Variants in RBMS3 observed in about 807,000 individuals in gnomAD.
RBMS3 encodes the protein RNA binding motif single stranded interacting protein 3.
Under a neutral mutation model 66.8 loss-of-function variants are expected in RBMS3, and 27 were observed. The observed-to-expected ratio is 0.40, with a 90% CI of 0.30 to 0.56. The LOEUF is 0.56. Among genes scored for constraint, RBMS3 ranks in the 20% least tolerant of loss-of-function variants. RBMS3 has a pLI of 0.40. For synonymous variants in RBMS3, 188 were observed against 183.0 expected (o/e 1.03, Z -0.22); for missense variants, 513 against 549.5 (o/e 0.93, Z 0.66).
intron 10 of RBMS3, among the ~76,000 whole-genome samples, chr3:29,916,264 T>C (rs183660822): frequency 1.3e-3 from 198 of 152,110 alleles, no homozygotes; most frequent in Non-Finnish European, 1.9e-3. Context: ...TTACTTTTGG[T>C]GCTATACAGA....
At chr3:29,390,480 T>A (rs556628722) in intron 1 of RBMS3, among the ~76,000 whole-genome samples, 4 of 152,324 alleles carry the variant, frequency 2.6e-5, no homozygotes, top group African/African-American at 9.6e-5. Flanking sequence ...TGTTTTAATG[T>A]ACTCCTAAGA....
At chr3:29,703,354 T>G (rs887697802) in intron 4 of RBMS3, among the ~76,000 whole-genome samples, 6 of 152,330 alleles carry the variant, frequency 3.9e-5, no homozygotes, top group South Asian at 2.1e-4. Flanking sequence ...GGGGAAGAAC[T>G]TGGCTGAAAG....
chr3:29,796,024 C>T (rs2057169968), intron 6 of RBMS3, among the ~76,000 whole-genome samples: 1 of 152,104 alleles, frequency 6.6e-6, no homozygotes, highest in South Asian at 2.1e-4. Flanking sequence ...ATAAGGATAC[C>T]TCAGAGGTAT....
chr3:29,854,438 C>T (rs775746489), intron 6 of RBMS3, among the ~76,000 whole-genome samples: 20 of 152,212 alleles, frequency 1.3e-4, no homozygotes, highest in Non-Finnish European at 2.6e-4. Context: ...ATCAAATTCT[C>T]ATGTGAGGAA....
chr3:29,914,798 T>C (rs190003795), intron 10 of RBMS3, among the ~76,000 whole-genome samples: 13 of 151,886 alleles, frequency 8.6e-5, no homozygotes, highest in Non-Finnish European at 1.8e-4. Context: ...GTCTAGCAGT[T>C]GATGTAAAGG....
chr3:29,684,321 A>G (rs2051621765), intron 4 of RBMS3, among the ~76,000 whole-genome samples: 1 of 152,308 alleles, frequency 6.6e-6, no homozygotes, highest in South Asian at 2.1e-4. Context: ...ACACTCTGAA[A>G]AACATAAAAT....
At chr3:29,968,033 C>T (rs1696962926) in intron 12 of RBMS3, among the ~76,000 whole-genome samples, 1 of 152,032 alleles carries the variant, frequency 6.6e-6, no homozygotes, top group African/African-American at 2.4e-5. Flanking sequence ...GTTCTTGTTT[C>T]TCTAGTTCTG....
intron 7 of RBMS3, 40 bp from the exon 8 acceptor site, chr3:29,884,122 C>A: frequency 6.4e-7 from 1 of 1,566,146 alleles, no homozygotes; most frequent in Non-Finnish European, 8.7e-7. Context: ...ACAATAAAAA[C>A]GTTAAGATTT....
chr3:29,774,952 A>T (rs1358294528), intron 6 of RBMS3, among the ~76,000 whole-genome samples: 5 of 151,924 alleles, frequency 3.3e-5, no homozygotes, highest in Non-Finnish European at 7.4e-5. Flanking sequence ...TGGTGTCAAT[A>T]AATATAACGT....
At position 29,451,164 on chromosome 3, in the gene RBMS3, C is replaced by G. The variant is rs555180097; in HGVS notation, c.248+16249C>G. Among the ~76,000 whole-genome samples the G allele has an allele frequency of 5.3e-5, 8 of 152,318 alleles. No homozygotes were observed. The East Asian group carries it at 1.4e-3, about 26-fold the overall frequency. On this transcript the variant is annotated intron_variant, in intron 2 of 14. Coordinates refer to ENST00000383767, the MANE Select transcript of RBMS3 (RefSeq NM_001003793.3). The stretch of plus-strand genomic sequence containing the variant: ...ACATCTTATACTCTTATCAATTTCA[C>G]TCCTAGGACAGAGGGAAAGAAATGC...
chr3:29,609,138 A>G (rs945911577), intron 4 of RBMS3, among the ~76,000 whole-genome samples: 41 of 152,222 alleles, frequency 2.7e-4, no homozygotes, highest in African/African-American at 9.1e-4. Context: ...AGATATAGAC[A>G]TAAAACTCAT....
intron 1 of RBMS3, among the ~76,000 whole-genome samples, chr3:29,338,648 G>A (rs1355053863): frequency 6.8e-6 from 1 of 147,268 alleles, no homozygotes; most frequent in African/African-American, 2.5e-5. Flanking sequence ...TCTAGATTAT[G>A]CTGTCTAGGA....
intron 1 of RBMS3, among the ~76,000 whole-genome samples, chr3:29,434,383 T>G (rs2041318909): frequency 6.6e-6 from 1 of 152,022 alleles, no homozygotes; most frequent in Non-Finnish European, 1.5e-5. Flanking sequence ...TAAGCTAGGG[T>G]CAGAGTTTAT....
intron 10 of RBMS3, among the ~76,000 whole-genome samples, chr3:29,911,156 G>T (rs1330918794): frequency 6.6e-6 from 1 of 152,016 alleles, no homozygotes; most frequent in Non-Finnish European, 1.5e-5. Flanking sequence ...TCCTGAACTT[G>T]GTTTTGAAAA....
chr3:29,689,053 A>C (rs1181086021), intron 4 of RBMS3, among the ~76,000 whole-genome samples: 1 of 152,140 alleles, frequency 6.6e-6, no homozygotes, highest in African/African-American at 2.4e-5. Flanking sequence ...AAAAAAATAC[A>C]CATCTATATC....
At chr3:29,971,095 C>A (rs1259321991) in intron 12 of RBMS3, among the ~76,000 whole-genome samples, 1 of 152,088 alleles carries the variant, frequency 6.6e-6, no homozygotes, top group Non-Finnish European at 1.5e-5. Flanking sequence ...CCAGTGTCTT[C>A]TCTCTTCCCA....
chr3:29,362,832 C>T (rs530054302), intron 1 of RBMS3, among the ~76,000 whole-genome samples: 3 of 152,290 alleles, frequency 2.0e-5, no homozygotes, highest in African/African-American at 7.2e-5. Flanking sequence ...CGAATCTATT[C>T]CCTGGCAAAA....
intron 10 of RBMS3, among the ~76,000 whole-genome samples, chr3:29,920,543 T>C (rs1408327062): frequency 1.3e-5 from 2 of 152,230 alleles, no homozygotes; most frequent in Non-Finnish European, 1.5e-5. Context: ...GTTCACACTA[T>C]AGCTGTGTCA....
At chr3:29,599,062 T>TAAAG (rs1211683812) in intron 4 of RBMS3, among the ~76,000 whole-genome samples, 2 of 151,624 alleles carry the variant, frequency 1.3e-5, no homozygotes, top group Non-Finnish European at 2.9e-5. Flanking sequence ...AAGAACTGAT[T>TAAAG]AAAGAAGCTT....
Sources: gnomAD v4.1 joint callset for allele counts (sites outside exome capture counted in the v4.1 genomes callset) on GRCh38, gnomAD v4.1.1 for gene constraint, MANE v1.5 for transcripts, NCBI Gene and HGNC (gene_info 2026-07-23, HGNC 2026-07-21) for gene names.